PHF24: variants seen among roughly 807,000 people sequenced by gnomAD.
PHF24 encodes PHD finger protein 24, also known as Galpha inhibitory interacting protein.
Under a neutral mutation model 42.6 loss-of-function variants are expected in PHF24, and 25 were observed. The ratio of observed to expected loss-of-function variants is 0.59; its 90% CI spans 0.43 to 0.82. PHF24 has a LOEUF of 0.82. PHF24 is among the 40% of genes least tolerant of loss of function. PHF24 has a pLI of 0.00. For missense variants in PHF24, 470 were observed against 538.1 expected, an observed-to-expected ratio of 0.87 and a Z score of 1.25; for synonymous variants, 185 against 204.8, an observed-to-expected ratio of 0.90 and a Z score of 0.83.
intron 3 of PHF24, 113 bp from the exon 4 acceptor site, chr9:34,976,039 G>T: frequency 1.3e-6 from 1 of 745,138 alleles, no homozygotes; most frequent in South Asian, 1.5e-5. Flanking sequence ...AGGAGGCTGG[G>T]ATTAGATGAT....
chr9:34,675,602 A>C, the PHF24 span, among the ~76,000 whole-genome samples: 3 of 152,148 alleles, frequency 2.0e-5, no homozygotes, highest in Non-Finnish European at 4.4e-5. Context: ...GATAGGGGGA[A>C]GTCTTGAGCA....
chr9:34,766,917 A>C, the PHF24 span, among the ~76,000 whole-genome samples: 1 of 152,114 alleles, frequency 6.6e-6, no homozygotes, highest in Non-Finnish European at 1.5e-5. Flanking sequence ...TTTCCTTCTA[A>C]CAGACAGGAC....
the PHF24 span, among the ~76,000 whole-genome samples, chr9:34,730,844 T>C: frequency 2.0e-5 from 3 of 152,208 alleles, no homozygotes; most frequent in African/African-American, 7.2e-5. Flanking sequence ...ATCTAGGGAA[T>C]GGGCCATGGA....
chr9:34,821,143 A>G, the PHF24 span, among the ~76,000 whole-genome samples: 4 of 152,186 alleles, frequency 2.6e-5, no homozygotes, highest in South Asian at 2.1e-4. Context: ...TTTGCCTCTT[A>G]TTAGGATTTT....
the PHF24 span, among the ~76,000 whole-genome samples, chr9:34,896,203 C>T: frequency 6.6e-6 from 1 of 152,032 alleles, no homozygotes; most frequent in African/African-American, 2.4e-5. Context: ...GGGAAGATAA[C>T]AACAACAACA....
the PHF24 span, among the ~76,000 whole-genome samples, chr9:34,777,071 C>T: frequency 1.3e-5 from 2 of 152,272 alleles, no homozygotes; most frequent in African/African-American, 4.8e-5. Flanking sequence ...ATGGGGATGC[C>T]AGGTAAGGCA....
intron 4 of PHF24, 28 bp downstream of exon 4, chr9:34,976,258 G>C (rs777355864): frequency 1.3e-6 from 2 of 1,576,640 alleles, no homozygotes; most frequent in Admixed American, 3.3e-5. Context: ...TGCATGGATG[G>C]AGAGGGGCCG....
At chr9:34,672,641 G>A in the PHF24 span, among the ~76,000 whole-genome samples, 4 of 151,948 alleles carry the variant, frequency 2.6e-5, no homozygotes, top group Admixed American at 1.3e-4. Flanking sequence ...CCTAGCCCGT[G>A]TCTTTTCTTA....
chr9:34,793,778 CTTT>C, the PHF24 span, among the ~76,000 whole-genome samples: 44 of 144,166 alleles, frequency 3.1e-4, no homozygotes, highest in Non-Finnish European at 2.7e-4. Context: ...TCCTCTGTTT[CTTT>C]TTTTTTTTTT....
the PHF24 span, among the ~76,000 whole-genome samples, chr9:34,914,463 CCTA>C: frequency 1.3e-5 from 2 of 151,998 alleles, no homozygotes; most frequent in Non-Finnish European, 2.9e-5. Context: ...GTCTTTTATT[CCTA>C]CATTTGATTT....
chr9:34,893,508 G>A, the PHF24 span, among the ~76,000 whole-genome samples: 1 of 152,078 alleles, frequency 6.6e-6, no homozygotes, highest in African/African-American at 2.4e-5. Flanking sequence ...GGCAGAGGTA[G>A]GAGAGTCCCT....
the PHF24 span, among the ~76,000 whole-genome samples, chr9:34,880,989 CAG>C: frequency 6.6e-6 from 1 of 152,252 alleles, no homozygotes; most frequent in African/African-American, 2.4e-5. Flanking sequence ...TGTAAAAAAA[CAG>C]AAATTATAAC....
the PHF24 span, among the ~76,000 whole-genome samples, chr9:34,915,026 C>CTT: frequency 4.4e-3 from 165 of 37,430 alleles, no homozygotes; most frequent in East Asian, 0.01. Context: ...TTTTTCTTTT[C>CTT]TTTTTTTTTT....
chr9:34,801,867 C>T, the PHF24 span, among the ~76,000 whole-genome samples: 25 of 133,082 alleles, frequency 1.9e-4, no homozygotes, highest in African/African-American at 4.6e-4. Flanking sequence ...AATGAGAACA[C>T]GTGGACACAG....
the PHF24 span, among the ~76,000 whole-genome samples, chr9:34,768,700 AC>A: frequency 6.6e-6 from 1 of 152,310 alleles, no homozygotes; most frequent in East Asian, 1.9e-4. Context: ...TGGCCCCGCT[AC>A]CTGCTTATCT....
chr9:34,830,122 A>T, the PHF24 span, among the ~76,000 whole-genome samples: 3 of 152,200 alleles, frequency 2.0e-5, no homozygotes, highest in Admixed American at 2.0e-4. Flanking sequence ...AATGTTAAGT[A>T]ACTTGTCAAA....
At chr9:34,731,359 A>C in the PHF24 span, among the ~76,000 whole-genome samples, 1 of 152,204 alleles carries the variant, frequency 6.6e-6, no homozygotes, top group South Asian at 2.1e-4. Context: ...TGTGCTATCA[A>C]ATACTAGGTC....
chr9:34,724,706 T>C, the PHF24 span: 2 of 1,550,636 alleles, frequency 1.3e-6, no homozygotes, highest in Non-Finnish European at 1.7e-6. Context: ...ACTCTCATTG[T>C]TGCCTTGAGG....
the PHF24 span, among the ~76,000 whole-genome samples, chr9:34,751,129 C>T: frequency 6.6e-6 from 1 of 152,108 alleles, no homozygotes; most frequent in South Asian, 2.1e-4. Flanking sequence ...CTTTGGGAGG[C>T]CGAGGAGGGT....
Sources: allele counts gnomAD v4.1 joint callset (sites outside exome capture counted in the v4.1 genomes callset), GRCh38; gene constraint gnomAD v4.1.1; transcripts MANE v1.5; gene names NCBI Gene and HGNC (gene_info 2026-07-23, HGNC 2026-07-21).